Variants in IQSEC3 observed in about 807,000 individuals in gnomAD.
IQSEC3 encodes the protein IQ motif and SEC7 domain-containing protein 3.
IQSEC3 carries 50 observed loss-of-function variants against 105.4 expected under a neutral mutation model. The observed-to-expected ratio is 0.47, with a 90% CI of 0.38 to 0.60. The LOEUF is 0.60. Ranked by LOEUF, IQSEC3 falls within the 20% of genes least tolerant of loss-of-function variation. IQSEC3 has a pLI of 0.00. For missense variants in IQSEC3, 1,415 were observed against 1,630.0 expected (o/e 0.87, Z 2.27); for synonymous variants, 708 against 746.0 (o/e 0.95, Z 0.83).
chr12:171,437 C>G, intron 13 of IQSEC3: 1 of 949,734 alleles, frequency 1.1e-6, no homozygotes, highest in Non-Finnish European at 1.6e-6. Context: ...AGACGGAGCT[C>G]ACGGCACCCT....
rs1387060409 is a variant in IQSEC3, at chr12:174,862, T to C, written c.3378T>C (p.Ser1126=). The change falls in exon 14 of 14, where the codon TCT becomes TCC. Residue 1126 remains serine (S), a synonymous_variant. Coordinates refer to ENST00000538872, the MANE Select transcript of IQSEC3 (RefSeq NM_001170738.2). ...TCTCCTGCTACACCTCGTCGTCCTC[T>C]GACTCCTGCGGCTCCACACCCCTGG... The part of the protein sequence containing the change: ...QALSCYTSSS[S]DSCGSTPLGG... 1 of 1,579,260 alleles carries C rather than the reference T, an allele frequency of 6.3e-7. No individual in the cohort carries two copies. Among genetic ancestry groups the C allele is most frequent in the Admixed American group, 1.7e-5 (1 of 57,822 alleles).
intron 2 of IQSEC3, among the ~76,000 whole-genome samples, chr12:115,246 T>C (rs1268470201): frequency 6.6e-6 from 1 of 152,174 alleles, no homozygotes; most frequent in Non-Finnish European, 1.5e-5. Flanking sequence ...CTCTGGCATG[T>C]GGTAAACTTG....
In IQSEC3 at chr12:152,548, T is replaced by C. The variant is rs1226672492; in HGVS notation, c.2154-4477T>C. ...GGCTGTCTAGTGTACTTCAGTCTCATATGTAATAAAAACATAATGGTACAA... is the reference window on the plus strand; with the variant it reads ...GGCTGTCTAGTGTACTTCAGTCTCACATGTAATAAAAACATAATGGTACAA... On this transcript the variant is annotated intron_variant, in intron 5 of 13. Transcript: ENST00000538872. The surrounding 1 kb of genome is among the most constrained non-coding windows in gnomAD (Gnocchi z 4.8). 2.0e-5 allele frequency among the ~76,000 whole-genome samples: 3 copies of C among 152,214 alleles called. No individual in the cohort carries two copies. The highest frequency in any genetic ancestry group is 4.8e-5 in the African/African-American group (2 of 41,456).
intron 1 of IQSEC3, among the ~76,000 whole-genome samples, chr12:71,502 T>C (rs1320342546): frequency 4.3e-4 from 66 of 152,264 alleles, no homozygotes; most frequent in Non-Finnish European, 8.8e-4. Flanking sequence ...AGTATACAAA[T>C]TATGTTAACA....
chr12:104,207 A>T (rs1213024229), intron 2 of IQSEC3, among the ~76,000 whole-genome samples: 1 of 152,144 alleles, frequency 6.6e-6, no homozygotes, highest in Non-Finnish European at 1.5e-5. Flanking sequence ...GATGGAGAGA[A>T]GTTAGGTATC....
chr12:82,153 G>A (rs781877902), intron 1 of IQSEC3, among the ~76,000 whole-genome samples: 5 of 152,190 alleles, frequency 3.3e-5, no homozygotes, highest in South Asian at 2.1e-4. Context: ...GAATTTGAAC[G>A]TAGATGAAGT....
rs1555087128 is a variant in IQSEC3, at chr12:138,408, C to G, written c.1045C>G (p.Arg349Gly). Residue 349 changes from arginine to glycine, a missense_variant, in exon 4 of 14, where the codon CGG (arginine) becomes GGG (glycine). Coordinates refer to ENST00000538872, the MANE Select transcript of IQSEC3 (RefSeq NM_001170738.2). The surrounding 1 kb of genome is among the most constrained non-coding windows in gnomAD (Gnocchi z 7.1). ...CTCGCTTCTGGAGAGCCGCCTGCCA[C>G]GGCGGATCTCCCTGCGCAAGGTGCG... ...RNSLLESRLP[R>G]RISLRKVRSP... 2 of 1,609,652 alleles carry G rather than the reference C, an allele frequency of 1.2e-6. No homozygotes were observed. The highest frequency in any genetic ancestry group is 1.7e-4 in the Middle Eastern group (1 of 6,060).
chr12:134,496 G>A (rs1341867711), intron 3 of IQSEC3, among the ~76,000 whole-genome samples: 1 of 152,242 alleles, frequency 6.6e-6, no homozygotes, highest in Admixed American at 6.5e-5. Context: ...CTCAAGCAAT[G>A]GATTTCATAC....
In IQSEC3 at chr12:175,107, C is replaced by T. The variant is rs1591766054; in HGVS notation, c.*74C>T. On this transcript the variant is annotated 3_prime_UTR_variant, in exon 14 of 14. Transcript: ENST00000538872. ...CCTGGGCTGCCCCTCCACTGCTCCC[C>T]ATACCCTGGCACGATGCGTTCCTGG... 2.6e-6 allele frequency: 3 copies of T among 1,147,568 alleles called. No individual in the cohort carries two copies. Among genetic ancestry groups the T allele is most frequent in the African/African-American group, 3.1e-5 (2 of 64,254 alleles). The allele number at this position is 1,147,568 out of a possible 1,614,324, so 71.1% of individuals were successfully genotyped here.
At chr12:71,117 T>C (rs1301763201) in intron 1 of IQSEC3, among the ~76,000 whole-genome samples, 1 of 152,274 alleles carries the variant, frequency 6.6e-6, no homozygotes. Context: ...CCTCTTCTCA[T>C]TCTGGCTGGA....
chr12:132,424 G>A (rs1177953380), intron 3 of IQSEC3, among the ~76,000 whole-genome samples: 1 of 152,210 alleles, frequency 6.6e-6, no homozygotes, highest in African/African-American at 2.4e-5. Flanking sequence ...AGAAAAGCCT[G>A]TGTTGACACC....
chr12:174,024 G>A (rs1044144106), intron 13 of IQSEC3, among the ~76,000 whole-genome samples: 10 of 152,198 alleles, frequency 6.6e-5, no homozygotes, highest in African/African-American at 1.9e-4. Flanking sequence ...GGCTGTTCTC[G>A]AACGCAGGGT....
At chr12:162,866 C>A (rs1866959049) in intron 8 of IQSEC3, among the ~76,000 whole-genome samples, 1 of 152,148 alleles carries the variant, frequency 6.6e-6, no homozygotes, top group Admixed American at 6.5e-5. Flanking sequence ...CTGCAGGCCG[C>A]AGCCTGGGGC....
At chr12:76,013 T>C (rs146446892) in intron 1 of IQSEC3, among the ~76,000 whole-genome samples, 1,809 of 152,224 alleles carry the variant, frequency 0.012, 28 homozygotes, top group African/African-American at 0.041. Context: ...CTACTCCCTC[T>C]GCCCCCAGCC....
chr12:126,544 G>GGGGTGTGTGTGT (rs112214510), intron 3 of IQSEC3, among the ~76,000 whole-genome samples: 1 of 145,830 alleles, frequency 6.9e-6, no homozygotes, highest in African/African-American at 2.5e-5. Flanking sequence ...CTTGATGGAA[G>GGGGTGTGTGTGT]GTGTGTGTGT....
chr12:70,262 T>C (rs1407936305), intron 1 of IQSEC3, among the ~76,000 whole-genome samples: 3 of 152,256 alleles, frequency 2.0e-5, no homozygotes, highest in Non-Finnish European at 4.4e-5. Context: ...GCAGAAGCCC[T>C]AGATAACTGG....
chr12:151,632 C>A (rs573443285), intron 5 of IQSEC3, among the ~76,000 whole-genome samples: 1 of 152,312 alleles, frequency 6.6e-6, no homozygotes, highest in South Asian at 2.1e-4. Flanking sequence ...TCTGATCATA[C>A]CCTCTATTGT....
chr12:141,096 T>C (rs1866002951), intron 4 of IQSEC3, 28 bp from the exon 5 acceptor site: 2 of 1,577,482 alleles, frequency 1.3e-6, no homozygotes, highest in Non-Finnish European at 1.7e-6. Context: ...GCTCACTCTC[T>C]ACTGCTTCTC....
chr12:110,586 TCCTTAC>T (rs1363463281), intron 2 of IQSEC3, among the ~76,000 whole-genome samples: 2 of 152,112 alleles, frequency 1.3e-5, no homozygotes, highest in Non-Finnish European at 2.9e-5. Context: ...CTGGCAGGAC[TCCTTAC>T]CCGGGAGAAT....
Sources: allele counts gnomAD v4.1 joint callset (sites outside exome capture counted in the v4.1 genomes callset), GRCh38; gene constraint gnomAD v4.1.1; non-coding constraint Gnocchi (gnomAD v3.1); transcripts MANE v1.5; gene names NCBI Gene and HGNC (gene_info 2026-07-23, HGNC 2026-07-21).